ST6GALNAC3: variants seen among roughly 807,000 people sequenced by gnomAD.
The protein encoded by ST6GALNAC3 is alpha-N-acetylgalactosaminide alpha-2,6-sialyltransferase 3.
ST6GALNAC3 carries 25 observed loss-of-function variants against 32.7 expected under a neutral mutation model. The observed-to-expected ratio is 0.76, with a 90% CI of 0.56 to 1.07. The LOEUF (loss-of-function observed/expected upper bound fraction) is 1.07. Among genes scored for constraint, ST6GALNAC3 ranks in the 50% least tolerant of loss-of-function variants. The probability of loss-of-function intolerance (pLI) is 0.00; values close to 1 mark genes in which losing one functional copy is unlikely to be tolerated. For synonymous variants in ST6GALNAC3, 129 were observed against 133.1 expected, an observed-to-expected ratio of 0.97 and a Z score of 0.21; for missense variants, 355 against 382.4, an observed-to-expected ratio of 0.93 and a Z score of 0.60.
chr1:76,380,236 A>T (rs542869089), intron 2 of ST6GALNAC3, among the ~76,000 whole-genome samples: 1 of 152,216 alleles, frequency 6.6e-6, no homozygotes, highest in Non-Finnish European at 1.5e-5. Context: ...CTCATCACTC[A>T]TCAGGGTAGT....
At chr1:76,601,221 G>A (rs1027813094) in intron 3 of ST6GALNAC3, among the ~76,000 whole-genome samples, 4 of 151,330 alleles carry the variant, frequency 2.6e-5, no homozygotes, top group East Asian at 2.0e-4. Context: ...AGGAAGGAAG[G>A]AAGAAAGGAA....
intron 3 of ST6GALNAC3, among the ~76,000 whole-genome samples, chr1:76,542,448 C>G (rs1352649774): frequency 6.6e-6 from 1 of 152,132 alleles, no homozygotes; most frequent in Non-Finnish European, 1.5e-5. Flanking sequence ...ATTAATAATT[C>G]ATGCTCTAAT....
At chr1:76,102,861 A>ACAT (rs1647283869) in intron 1 of ST6GALNAC3, among the ~76,000 whole-genome samples, 1 of 152,070 alleles carries the variant, frequency 6.6e-6, no homozygotes, top group African/African-American at 2.4e-5. Context: ...TGCCTGAAGA[A>ACAT]CATCATTCAC....
intron 1 of ST6GALNAC3, among the ~76,000 whole-genome samples, chr1:76,285,474 C>G (rs569156932): frequency 7.2e-5 from 11 of 151,774 alleles, no homozygotes; most frequent in African/African-American, 2.4e-4. Flanking sequence ...GGGGCCGTGG[C>G]AGTTTTAGGG....
intron 1 of ST6GALNAC3, among the ~76,000 whole-genome samples, chr1:76,103,968 A>G (rs1647352829): frequency 1.3e-5 from 2 of 152,188 alleles, no homozygotes; most frequent in South Asian, 2.1e-4. Context: ...AGTCTCAGAG[A>G]TTAAAATGTG....
At chr1:76,508,174 GT>G (rs141856802) in intron 3 of ST6GALNAC3, among the ~76,000 whole-genome samples, 212 of 152,226 alleles carry the variant, frequency 1.4e-3, no homozygotes, top group African/African-American at 5.0e-3. Flanking sequence ...AGGTGTGGAT[GT>G]GGGGGATAGC....
intron 2 of ST6GALNAC3, among the ~76,000 whole-genome samples, chr1:76,342,529 A>G (rs572496545): frequency 6.7e-6 from 1 of 150,236 alleles, no homozygotes; most frequent in Admixed American, 6.6e-5. Context: ...GTGTCTGTTC[A>G]TATCCTTTGC....
chr1:76,206,736 A>C lies in ST6GALNAC3; in HGVS notation c.19-107069A>C, dbSNP rs988036843. 2.6e-5 allele frequency among the ~76,000 whole-genome samples: 4 copies of C among 152,166 alleles called. No homozygotes were observed. The East Asian group carries it at 7.7e-4, about 29-fold the overall frequency. ...GATAGAGCGAGACTCTGTCTAAAAA[A>C]AAAAAATGCTGTCGTTAGAAAGGCC... On this transcript the variant is annotated intron_variant, in intron 1 of 4. Coordinates refer to ENST00000328299, the MANE Select transcript of ST6GALNAC3 (RefSeq NM_152996.4).
At chr1:76,224,840 G>A (rs1264805622) in intron 1 of ST6GALNAC3, among the ~76,000 whole-genome samples, 3 of 152,136 alleles carry the variant, frequency 2.0e-5, no homozygotes, top group African/African-American at 7.2e-5. Flanking sequence ...AATCCTTTAA[G>A]AAAAAGAGAT....
chr1:76,181,685 T>C (rs1183481212), intron 1 of ST6GALNAC3, among the ~76,000 whole-genome samples: 1 of 152,212 alleles, frequency 6.6e-6, no homozygotes, highest in Non-Finnish European at 1.5e-5. Flanking sequence ...GTGAAGAACA[T>C]GCATGCAAGT....
chr1:76,504,584 A>G (rs1195508550), intron 3 of ST6GALNAC3, among the ~76,000 whole-genome samples: 1 of 152,188 alleles, frequency 6.6e-6, no homozygotes, highest in East Asian at 1.9e-4. Context: ...TATTTAAAGT[A>G]TACAAGAAAC....
At chr1:76,264,890 C>A (rs1196407118) in intron 1 of ST6GALNAC3, among the ~76,000 whole-genome samples, 1 of 147,374 alleles carries the variant, frequency 6.8e-6, no homozygotes, top group Non-Finnish European at 1.5e-5. Context: ...TTGACTGTAA[C>A]TCTAGTGCTC....
chr1:76,617,390 C>T (rs747774897), intron 3 of ST6GALNAC3, among the ~76,000 whole-genome samples: 1 of 150,914 alleles, frequency 6.6e-6, no homozygotes, highest in Non-Finnish European at 1.5e-5. Context: ...GGAAAGTATA[C>T]GAAGAAGGAA....
intron 1 of ST6GALNAC3, among the ~76,000 whole-genome samples, chr1:76,221,389 C>T (rs1655760490): frequency 2.0e-5 from 3 of 152,130 alleles, no homozygotes; most frequent in African/African-American, 7.2e-5. Flanking sequence ...TATTTAATAA[C>T]CTATAATGAA....
intron 1 of ST6GALNAC3, among the ~76,000 whole-genome samples, chr1:76,143,392 CGTGTGTGTGTGT>C (rs4034974): frequency 2.8e-5 from 4 of 142,350 alleles, no homozygotes; most frequent in African/African-American, 7.8e-5. Context: ...CTTACCAAGT[CGTGTGTGTGTGT>C]GTGTGTGTGT....
chr1:76,324,642 G>A (rs1311161698), intron 2 of ST6GALNAC3, among the ~76,000 whole-genome samples: 1 of 152,156 alleles, frequency 6.6e-6, no homozygotes, highest in Middle Eastern at 3.2e-3. Context: ...ACAGCCAAGA[G>A]TGTCCTAAGG....
At chr1:76,537,205 C>T (rs1663666613) in intron 3 of ST6GALNAC3, among the ~76,000 whole-genome samples, 1 of 151,882 alleles carries the variant, frequency 6.6e-6, no homozygotes, top group Non-Finnish European at 1.5e-5. Context: ...CACAAAATTA[C>T]ATGGAAATTT....
chr1:76,335,086 T>A (rs1451251397), intron 2 of ST6GALNAC3, among the ~76,000 whole-genome samples: 1 of 152,166 alleles, frequency 6.6e-6, no homozygotes, highest in Non-Finnish European at 1.5e-5. Flanking sequence ...CAATTTTTGA[T>A]GAATACGTGA....
chr1:76,156,085 C>T (rs567425249), intron 1 of ST6GALNAC3, among the ~76,000 whole-genome samples: 2 of 141,726 alleles, frequency 1.4e-5, no homozygotes, highest in Non-Finnish European at 3.1e-5. Flanking sequence ...GTAGAAGGTT[C>T]CTCTTTTGGA....
Sources: allele counts gnomAD v4.1 joint callset (sites outside exome capture counted in the v4.1 genomes callset), GRCh38; gene constraint gnomAD v4.1.1; transcripts MANE v1.5; gene names NCBI Gene and HGNC (gene_info 2026-07-23, HGNC 2026-07-21).